AGMO: variants seen among roughly 807,000 people sequenced by gnomAD.
AGMO encodes the protein alkylglycerol monooxygenase, also known as glyceryl-ether monooxygenase.
Under a neutral mutation model 60.2 loss-of-function variants are expected in AGMO, and 75 were observed. That is an observed-to-expected ratio of 1.25 (90% CI 1.03 to 1.51). The LOEUF (loss-of-function observed/expected upper bound fraction) is 1.51. AGMO is among the 40% of genes most tolerant of loss of function. The pLI, the probability that AGMO is intolerant of heterozygous loss-of-function variation, is 0.00. For synonymous variants in AGMO, 261 were observed against 177.1 expected (o/e 1.47, Z -3.76); for missense variants, 763 against 525.5 (o/e 1.45, Z -4.42).
chr7:15,536,501 A>G (rs2128544612), intron 3 of AGMO, among the ~76,000 whole-genome samples: 1 of 152,026 alleles, frequency 6.6e-6, no homozygotes, highest in South Asian at 2.1e-4. Flanking sequence ...AATGGCAATG[A>G]GAGGACAGTT....
chr7:15,539,010 G>C (rs780281307), intron 3 of AGMO, among the ~76,000 whole-genome samples: 2 of 152,160 alleles, frequency 1.3e-5, no homozygotes, highest in Admixed American at 6.5e-5. Flanking sequence ...TTTGGATGAT[G>C]ATCCTGCTTT....
At chr7:15,392,076 A>G (rs1354579983) in intron 6 of AGMO, among the ~76,000 whole-genome samples, 1 of 151,432 alleles carries the variant, frequency 6.6e-6, no homozygotes, top group African/African-American at 2.4e-5. Flanking sequence ...TTTTTAATTT[A>G]ATTTTTTTTT....
intron 3 of AGMO, among the ~76,000 whole-genome samples, chr7:15,443,445 G>T (rs1037204832): frequency 6.6e-6 from 1 of 152,114 alleles, no homozygotes; most frequent in Non-Finnish European, 1.5e-5. Flanking sequence ...TCAATACTTT[G>T]ACTATTATAC....
intron 12 of AGMO, among the ~76,000 whole-genome samples, chr7:15,219,333 G>C (rs776239786): frequency 6.6e-6 from 1 of 152,128 alleles, no homozygotes; most frequent in Non-Finnish European, 1.5e-5. Flanking sequence ...CTGGAGCACA[G>C]TAGTTGTTCA....
intron 12 of AGMO, among the ~76,000 whole-genome samples, chr7:15,247,407 G>C (rs1440786811): frequency 7.5e-6 from 1 of 132,526 alleles, no homozygotes; most frequent in East Asian, 2.5e-4. Flanking sequence ...TATATGACTT[G>C]GAGATTTCAC....
intron 12 of AGMO, among the ~76,000 whole-genome samples, chr7:15,225,127 T>C (rs1782038594): frequency 6.6e-6 from 1 of 151,962 alleles, no homozygotes; most frequent in Non-Finnish European, 1.5e-5. Flanking sequence ...ATACTAAATA[T>C]ATTGTTTGAT....
chr7:15,556,377 A>C (rs1785140635), intron 2 of AGMO, among the ~76,000 whole-genome samples: 1 of 151,916 alleles, frequency 6.6e-6, no homozygotes, highest in Admixed American at 6.6e-5. Flanking sequence ...ATGTATTAAA[A>C]GTGCAGTGTC....
chr7:15,546,785 A>G (rs1784793230), intron 2 of AGMO, among the ~76,000 whole-genome samples: 1 of 152,236 alleles, frequency 6.6e-6, no homozygotes, highest in Admixed American at 6.5e-5. Flanking sequence ...AGGCGGTGAG[A>G]ACAAATTCTA....
At chr7:15,253,288 A>G (rs1563055858) in intron 12 of AGMO, among the ~76,000 whole-genome samples, 1 of 152,184 alleles carries the variant, frequency 6.6e-6, no homozygotes, top group South Asian at 2.1e-4. Flanking sequence ...GTAGCTATTT[A>G]TGGAGATGCT....
chr7:15,255,546 A>G (rs1783069839), intron 12 of AGMO, among the ~76,000 whole-genome samples: 1 of 150,968 alleles, frequency 6.6e-6, no homozygotes, highest in Non-Finnish European at 1.5e-5. Flanking sequence ...AAAAAAAAAA[A>G]AAAAGAAAGA....
chr7:15,311,802 T>C (rs984695371), intron 12 of AGMO, among the ~76,000 whole-genome samples: 1 of 152,198 alleles, frequency 6.6e-6, no homozygotes, highest in Non-Finnish European at 1.5e-5. Context: ...CAGACATATA[T>C]TCTAAAATAA....
At chr7:15,302,749 C>A (rs1050533914) in intron 12 of AGMO, among the ~76,000 whole-genome samples, 4 of 152,156 alleles carry the variant, frequency 2.6e-5, no homozygotes, top group Admixed American at 2.0e-4. Flanking sequence ...CATTGCTGTA[C>A]CTCCATCATA....
chr7:15,296,513 CA>C (rs1271646414), intron 12 of AGMO, among the ~76,000 whole-genome samples: 1 of 152,078 alleles, frequency 6.6e-6, no homozygotes, highest in Non-Finnish European at 1.5e-5. Flanking sequence ...CCATCCTTTC[CA>C]AGAGAAGACA....
chr7:15,533,414 C>T (rs1207068844), intron 3 of AGMO, among the ~76,000 whole-genome samples: 2 of 151,962 alleles, frequency 1.3e-5, no homozygotes, highest in African/African-American at 2.4e-5. Context: ...ATTATGATTG[C>T]CTGTACTATT....
At chr7:15,526,774 G>T (rs1473849974) in intron 3 of AGMO, among the ~76,000 whole-genome samples, 1 of 152,124 alleles carries the variant, frequency 6.6e-6, no homozygotes, top group Non-Finnish European at 1.5e-5. Context: ...TGGCAACCTT[G>T]TGTCTAGCAA....
intron 12 of AGMO, among the ~76,000 whole-genome samples, chr7:15,216,936 C>A (rs1376961831): frequency 6.6e-6 from 1 of 151,930 alleles, no homozygotes; most frequent in African/African-American, 2.4e-5. Flanking sequence ...ATATCTCACA[C>A]CCTCAAAGGG....
At chr7:15,234,876 C>T (rs930024210) in intron 12 of AGMO, among the ~76,000 whole-genome samples, 3 of 152,088 alleles carry the variant, frequency 2.0e-5, no homozygotes, top group East Asian at 1.9e-4. Context: ...GTGTGCAGTA[C>T]AAAAACAAAA....
chr7:15,131,953 T>G, the AGMO span, among the ~76,000 whole-genome samples: 1 of 151,852 alleles, frequency 6.6e-6, no homozygotes, highest in Admixed American at 6.6e-5. Flanking sequence ...CTGAATCCAC[T>G]CTCCTGTCTG....
chr7:15,197,249 T>C (rs771149507), downstream of AGMO, among the ~76,000 whole-genome samples: 4 of 152,174 alleles, frequency 2.6e-5, no homozygotes, highest in Non-Finnish European at 5.9e-5. Context: ...GCTTATTTTC[T>C]ATTGTTCTCC....
Sources: gnomAD v4.1 joint callset for allele counts (sites outside exome capture counted in the v4.1 genomes callset) on GRCh38, gnomAD v4.1.1 for gene constraint, MANE v1.5 for transcripts, NCBI Gene and HGNC (gene_info 2026-07-23, HGNC 2026-07-21) for gene names.